The following TSHZ2 variants were observed in gnomAD, a reference collection of about 807,000 sequenced individuals.
The protein encoded by TSHZ2 is teashirt zinc finger homeobox 2.
In TSHZ2, 21 loss-of-function variants were observed where a neutral mutation model predicts 74.4. The ratio of observed to expected loss-of-function variants is 0.28; its 90% confidence interval spans 0.20 to 0.41. The LOEUF is 0.41. Ranked by LOEUF, TSHZ2 falls within the 10% of genes least tolerant of loss-of-function variation. The pLI, the probability that TSHZ2 is intolerant of heterozygous loss-of-function variation, is 1.00. For missense variants in TSHZ2, 1,244 were observed against 1,293.5 expected (o/e 0.96, Z 0.59); for synonymous variants, 540 against 515.3 (o/e 1.05, Z -0.65).
At position 53,492,879 on chromosome 20, in the gene TSHZ2, C is replaced by T. The variant is rs1225147734; in HGVS notation, c.*5744C>T. On this transcript the variant is annotated 3_prime_UTR_variant, in exon 3 of 3. Coordinates refer to ENST00000371497, the MANE Select transcript of TSHZ2 (RefSeq NM_173485.6). ...GTGTTTACTTGCCAGCAAAGAAAGG[C>T]AAACACATTTTTATATTCAGAAAGC... The T allele has an allele frequency of 3.3e-5, 5 of 152,086 alleles. No individual in the cohort carries two copies. The highest frequency in any genetic ancestry group is 7.4e-5 in the Non-Finnish European group (5 of 68,024). 9.4% of individuals were successfully genotyped at this position (152,086 alleles called of 1,614,324 possible).
At chr20:53,123,224 A>G (rs1183192774) in intron 1 of TSHZ2, among the ~76,000 whole-genome samples, 4 of 152,228 alleles carry the variant, frequency 2.6e-5, no homozygotes, top group Non-Finnish European at 5.9e-5. Flanking sequence ...TATTGACAGG[A>G]CAGTGCTCCA....
At chr20:53,356,658 T>A (rs1476417474) in intron 2 of TSHZ2, among the ~76,000 whole-genome samples, 1 of 152,114 alleles carries the variant, frequency 6.6e-6, no homozygotes, top group Non-Finnish European at 1.5e-5. Context: ...AGAATTAACA[T>A]CCTATGTCTT....
At chr20:53,471,316 C>T (rs1985792694) in intron 2 of TSHZ2, among the ~76,000 whole-genome samples, 1 of 152,078 alleles carries the variant, frequency 6.6e-6, no homozygotes, top group Non-Finnish European at 1.5e-5. Flanking sequence ...TTTAGAACTC[C>T]ATTCATTCAA....
intron 2 of TSHZ2, among the ~76,000 whole-genome samples, chr20:53,337,041 G>A (rs1979977744): frequency 6.6e-6 from 1 of 152,178 alleles, no homozygotes; most frequent in Non-Finnish European, 1.5e-5. Flanking sequence ...AAGCAAGAGA[G>A]AGAATGAGAT....
At chr20:53,108,790 CAG>C (rs1364280767) in intron 1 of TSHZ2, among the ~76,000 whole-genome samples, 1 of 152,204 alleles carries the variant, frequency 6.6e-6, no homozygotes, top group Non-Finnish European at 1.5e-5. Flanking sequence ...TCAAGAGTAA[CAG>C]AGCCCCACAT....
intron 1 of TSHZ2, among the ~76,000 whole-genome samples, chr20:53,012,223 G>T (rs1368232840): frequency 6.6e-6 from 1 of 152,160 alleles, no homozygotes; most frequent in Non-Finnish European, 1.5e-5. Context: ...AGGTCACTTT[G>T]ATATCCAGTA....
At chr20:53,294,387 A>G (rs547064250) in intron 2 of TSHZ2, among the ~76,000 whole-genome samples, 1 of 152,276 alleles carries the variant, frequency 6.6e-6, no homozygotes, top group Non-Finnish European at 1.5e-5. Flanking sequence ...TAGTCATAAA[A>G]TACTTTCCCC....
At chr20:53,179,910 T>C (rs1988430129) in intron 1 of TSHZ2, among the ~76,000 whole-genome samples, 1 of 152,196 alleles carries the variant, frequency 6.6e-6, no homozygotes, top group Admixed American at 6.5e-5. Flanking sequence ...TCTGTTGTTC[T>C]CCTTTAAAAA....
chr20:53,036,119 G>T (rs1983808813), intron 1 of TSHZ2, among the ~76,000 whole-genome samples: 1 of 152,086 alleles, frequency 6.6e-6, no homozygotes, highest in South Asian at 2.1e-4. Flanking sequence ...ATATGCTATT[G>T]TGTGCAGAGC....
At chr20:53,092,372 A>C (rs6022275) in intron 1 of TSHZ2, among the ~76,000 whole-genome samples, 109 of 152,280 alleles carry the variant, frequency 7.2e-4, no homozygotes, top group Middle Eastern at 3.4e-3. Flanking sequence ...ACTAGCCACC[A>C]GATGATGTTT....
At chr20:53,032,018 G>A (rs1035410263) in intron 1 of TSHZ2, among the ~76,000 whole-genome samples, 19 of 152,260 alleles carry the variant, frequency 1.2e-4, no homozygotes, top group Admixed American at 7.8e-4. Context: ...AAATCTTTGC[G>A]TCTCTAAAAG....
intron 2 of TSHZ2, among the ~76,000 whole-genome samples, chr20:53,377,621 A>G (rs1428919209): frequency 6.6e-6 from 1 of 152,212 alleles, no homozygotes; most frequent in Non-Finnish European, 1.5e-5. Context: ...ACGTTCTTGG[A>G]GGCCAAGGAG....
chr20:53,022,388 T>C (rs1472213845), intron 1 of TSHZ2, among the ~76,000 whole-genome samples: 1 of 152,158 alleles, frequency 6.6e-6, no homozygotes, highest in Non-Finnish European at 1.5e-5. Context: ...ATTTACAGTG[T>C]CAACGTGCAG....
chr20:53,237,758 A>G (rs926413927), intron 1 of TSHZ2, among the ~76,000 whole-genome samples: 1 of 152,146 alleles, frequency 6.6e-6, no homozygotes, highest in Non-Finnish European at 1.5e-5. Flanking sequence ...CCGACTGTGT[A>G]TATGGACGAT....
intron 1 of TSHZ2, among the ~76,000 whole-genome samples, chr20:53,000,753 T>G (rs79098399): frequency 0.01 from 1,594 of 152,292 alleles, 22 homozygotes; most frequent in African/African-American, 0.036. Context: ...TTTTGCATTT[T>G]TAATATTCTG....
chr20:53,463,183 AAAAT>A (rs1265980949), intron 2 of TSHZ2, among the ~76,000 whole-genome samples: 1 of 152,158 alleles, frequency 6.6e-6, no homozygotes, highest in African/African-American at 2.4e-5. Flanking sequence ...CTGCACTTCT[AAAAT>A]AAATATTTGT....
chr20:53,106,643 A>G, intron 1 of TSHZ2, among the ~76,000 whole-genome samples: 1 of 149,030 alleles, frequency 6.7e-6, no homozygotes, highest in Admixed American at 6.7e-5. Flanking sequence ...TGACCTCATG[A>G]TCCGCCGGCC....
chr20:53,081,379 G>A (rs1216243087), intron 1 of TSHZ2, among the ~76,000 whole-genome samples: 1 of 152,152 alleles, frequency 6.6e-6, no homozygotes, highest in Admixed American at 6.5e-5. Context: ...TACACTTTCA[G>A]CTTGACACTG....
At chr20:53,004,090 T>A (rs1278379120) in intron 1 of TSHZ2, among the ~76,000 whole-genome samples, 1 of 152,100 alleles carries the variant, frequency 6.6e-6, no homozygotes, top group African/African-American at 2.4e-5. Context: ...CTTTTTCTAG[T>A]ATAATATCTG....
Sources: allele counts gnomAD v4.1 joint callset (sites outside exome capture counted in the v4.1 genomes callset), GRCh38; gene constraint gnomAD v4.1.1; transcripts MANE v1.5; gene names NCBI Gene and HGNC (gene_info 2026-07-23, HGNC 2026-07-21).